The following DACT3 variants were observed in gnomAD, a reference collection of about 807,000 sequenced individuals.
The protein encoded by DACT3 is dapper homolog 3.
Under a neutral mutation model 19.6 loss-of-function variants are expected in DACT3, and 5 were observed. That is an observed-to-expected ratio of 0.26 (90% CI 0.13 to 0.54). The LOEUF (loss-of-function observed/expected upper bound fraction) is 0.54, where lower values mean the gene tolerates loss of function less well. Among genes scored for constraint, DACT3 ranks in the 20% least tolerant of loss-of-function variants. DACT3 has a pLI of 0.95. For missense variants in DACT3, 908 were observed against 927.4 expected (o/e 0.98, Z 0.27); for synonymous variants, 454 against 428.1 (o/e 1.06, Z -0.75).
intron 1 of DACT3, among the ~76,000 whole-genome samples, chr19:46,656,698 T>C (rs1310319063): frequency 1.3e-5 from 2 of 152,116 alleles, no homozygotes; most frequent in Non-Finnish European, 2.9e-5. Flanking sequence ...ATGTATACAA[T>C]GGAATACTAT....
In DACT3 at chr19:46,654,724, G is replaced by A. The variant is rs563528440; in HGVS notation, c.250-1649C>T. 28 of 985,366 alleles carry A rather than the reference G, an allele frequency of 2.8e-5. No individual in the cohort carries two copies. The African/African-American group carries it at 3.0e-4, about 10-fold the overall frequency. 61.0% of individuals were successfully genotyped at this position (985,366 alleles called of 1,614,324 possible). A position where few individuals can be genotyped will look rare whatever the true frequency, so the allele number is the denominator to read the frequency against. On this transcript the variant is annotated intron_variant, in intron 1 of 3. Transcript: ENST00000391916. ...CAGACAAAAGCGGCTTGTCTGGACCGCAGGAGGGAGGGAAGTGGGGAGGAG... is the reference window on the plus strand; with the variant it reads ...CAGACAAAAGCGGCTTGTCTGGACCACAGGAGGGAGGGAAGTGGGGAGGAG...
Position 46,648,952 on chromosome 19 carries a change from G to A in DACT3, c.1420C>T (p.Arg474Cys). The change falls in exon 4 of 4, where the codon CGT becomes TGT. Residue 474 changes from arginine (R) to cysteine (C), a missense_variant. By Grantham distance (180) the Arg-to-Cys change is radical (BLOSUM62 -3). Coordinates refer to ENST00000391916, the MANE Select transcript of DACT3 (RefSeq NM_145056.3). This position sits in a 1 kb window ranked among gnomAD's most constrained non-coding sequence, Gnocchi z 5.1. ...TLAAQAAGSC[R>C]RWRSTAEIDA... ...ATCTCCGCAGTGGAGCGCCAGCGAC[G>A]GCAGGACCCTGCGGCCTGGGCCGCC... The A allele has an allele frequency of 1.5e-6, 2 of 1,319,748 alleles. No individual in the cohort carries two copies. The highest frequency in any genetic ancestry group is 1.5e-5 in the African/African-American group (1 of 64,618). 81.8% of individuals were successfully genotyped at this position (1,319,748 alleles called of 1,614,324 possible). A position where few individuals can be genotyped will look rare whatever the true frequency, so the allele number is the denominator to read the frequency against.
intron 1 of DACT3, among the ~76,000 whole-genome samples, chr19:46,656,040 A>AATTTATTT (rs201832570): frequency 0.026 from 3,513 of 135,812 alleles, 140 homozygotes; most frequent in African/African-American, 0.093. Flanking sequence ...ATATATATGA[A>AATTTATTT]ATTTATTTAT....
In DACT3 at chr19:46,649,259, A is replaced by G; in HGVS notation, c.1113T>C (p.Pro371=). Residue 371 remains proline, a synonymous_variant, in exon 4 of 4, where the codon CCT becomes CCC. Coordinates refer to ENST00000391916, the MANE Select transcript of DACT3 (RefSeq NM_145056.3). ...GCGGTTTGCGGCGGGCGGCGCGGCC[A>G]GGGAGGCCTCGGGTGGCCGCCTGCG... is the stretch of plus-strand genomic sequence containing the variant. ...PGAQAATRGL[P]GRAARRKPPP... The G allele has an allele frequency of 8.4e-7, 1 of 1,196,942 alleles. No individual in the cohort carries two copies. The highest frequency in any genetic ancestry group is 1.0e-6 in the Non-Finnish European group (1 of 968,212). The allele number at this position is 1,196,942 out of a possible 1,614,324, so 74.1% of individuals were successfully genotyped here.
chr19:46,647,712 A>C lies in DACT3; in HGVS notation c.*770T>G, dbSNP rs762520559. 6.6e-5 allele frequency: 10 copies of C among 152,588 alleles called. No individual in the cohort carries two copies. Among genetic ancestry groups the C allele is most frequent in the Admixed American group, 3.9e-4 (6 of 15,266 alleles). 9.5% of individuals were successfully genotyped at this position (152,588 alleles called of 1,614,324 possible). ...TCACCATCGTCATAATAAATACAGT[A>C]ATTTTAAAAAAGAAAAAAAATACTA... On this transcript the variant is annotated 3_prime_UTR_variant, in exon 4 of 4. Transcript: ENST00000391916.
intron 1 of DACT3, among the ~76,000 whole-genome samples, chr19:46,659,675 G>A (rs882637): frequency 0.029 from 4,357 of 152,258 alleles, 201 homozygotes; most frequent in African/African-American, 0.099. Flanking sequence ...CTGGGGAGGG[G>A]GCGGTCGAGG....
At position 46,648,516 on chromosome 19, in the gene DACT3, C is replaced by T. The variant is rs201752436; in HGVS notation, c.1856G>A (p.Arg619His). The T allele has an allele frequency of 9.3e-6, 15 of 1,613,992 alleles. No homozygotes were observed. Among genetic ancestry groups the T allele is most frequent in the Non-Finnish European group, 1.1e-5 (13 of 1,179,884 alleles). ...HALKKKILRF[R>H]SGSLKVMTTV ...AGTCATGACCTTGAGAGAACCCGAA[C>T]GGAAACGCAGTATCTTTTTCTTGAG... The change falls in exon 4 of 4, where the codon CGT becomes CAT. Residue 619 changes from arginine (R) to histidine (H), a missense_variant. By Grantham distance (29) the Arg-to-His change is conservative. This residue lies in a region of DACT3 where 656 missense variants were observed against 601.8 expected (regional missense o/e 1.09). Coordinates refer to ENST00000391916, the MANE Select transcript of DACT3 (RefSeq NM_145056.3). This position sits in a 1 kb window ranked among gnomAD's most constrained non-coding sequence, Gnocchi z 5.1.
intron 1 of DACT3, among the ~76,000 whole-genome samples, chr19:46,656,558 T>C (rs1183377349): frequency 6.6e-6 from 1 of 151,942 alleles, no homozygotes; most frequent in Non-Finnish European, 1.5e-5. Flanking sequence ...CTGTGTTGCA[T>C]AGGCTTGTCT....
Position 46,660,527 on chromosome 19 carries a change from C to A in DACT3, c.249+289G>T. 1 of 436,818 alleles carries A rather than the reference C, an allele frequency of 2.3e-6. No individual in the cohort carries two copies. Among genetic ancestry groups the A allele is most frequent in the Non-Finnish European group, 3.9e-6 (1 of 253,648 alleles). The allele number at this position is 436,818 out of a possible 1,614,324, so 27.1% of individuals were successfully genotyped here. On this transcript the variant is annotated intron_variant, in intron 1 of 3. Coordinates refer to ENST00000391916, the MANE Select transcript of DACT3 (RefSeq NM_145056.3). This position sits in a 1 kb window ranked among gnomAD's most constrained non-coding sequence, Gnocchi z 4.9. Reference sequence around the variant, plus strand: ...AAAGTACCCGGTCTCGGGTTTGACACATACTTGGCGCCCACAAGGATTTTC... The same window carrying A: ...AAAGTACCCGGTCTCGGGTTTGACAAATACTTGGCGCCCACAAGGATTTTC...
In DACT3 at chr19:46,649,214, G is replaced by A; in HGVS notation, c.1158C>T (p.Arg386=). 8.3e-7 allele frequency: 1 copy of A among 1,200,626 alleles called. No individual in the cohort carries two copies. The allele number at this position is 1,200,626 out of a possible 1,614,324, so 74.4% of individuals were successfully genotyped here. The change falls in exon 4 of 4, where the codon CGC becomes CGT. Residue 386 remains arginine (R), a synonymous_variant. Coordinates refer to ENST00000391916, the MANE Select transcript of DACT3 (RefSeq NM_145056.3). ...CCCGGGGTGGTGACTGCTCCACGCT[G>A]CGGCCGCGGGTCAGTGGCGGCGGTT... ...RRKPPPLTRG[R]SVEQSPPRER... is the part of the protein sequence containing the mutation.
intron 1 of DACT3, chr19:46,654,878 A>G (rs1243863735): frequency 1.0e-6 from 1 of 977,666 alleles, no homozygotes; most frequent in Non-Finnish European, 1.2e-6. Context: ...CCCCTAGAAC[A>G]GAAGCCCCCA....
intron 1 of DACT3, chr19:46,654,716 T>C: frequency 1.0e-6 from 1 of 985,298 alleles, no homozygotes; most frequent in Non-Finnish European, 1.2e-6. Context: ...AAGCGGCTTG[T>C]CTGGACCGCA....
rs558508905 is a variant in DACT3, at chr19:46,660,847, C to A, written c.218G>T (p.Arg73Leu). The A allele has an allele frequency of 2.5e-4, 377 of 1,519,462 alleles. 6 individuals carry two copies. The South Asian group carries it at 4.3e-3, about 17-fold the overall frequency. 94.1% of individuals were successfully genotyped at this position (1,519,462 alleles called of 1,614,324 possible). Residue 73 changes from arginine to leucine, a missense_variant, in exon 1 of 4, where the codon CGC (arginine) becomes CTC (leucine). Arg to Leu is a moderately radical substitution (Grantham distance 102, BLOSUM62 -2). Transcript: ENST00000391916. The surrounding 1 kb of genome is among the most constrained non-coding windows in gnomAD (Gnocchi z 4.9). ...CTCCTCCAGGGCCGCTGCGGCCCGG[C>A]GCGCCGCCGCCGCATCTTCATCCTC... ...ADEDEDAAAA[R>L]RAAAALEEQL...
In DACT3 at chr19:46,657,955, G is replaced by A. The variant is rs150376404; in HGVS notation, c.249+2861C>T. On this transcript the variant is annotated intron_variant, in intron 1 of 3. Transcript: ENST00000391916. ...TAATTCCAGCTACTCGGGAGGCTGA[G>A]GCAGGAGAATTGCTTGAATCCAGGA... Among the ~76,000 whole-genome samples the A allele has an allele frequency of 3.9e-3, 600 of 152,186 alleles. 4 individuals carry two copies. Among genetic ancestry groups the A allele is most frequent in the African/African-American group, 0.014 (571 of 41,532 alleles).
intron 1 of DACT3, among the ~76,000 whole-genome samples, chr19:46,655,601 A>G (rs925638217): frequency 3.9e-5 from 6 of 152,164 alleles, no homozygotes; most frequent in Admixed American, 3.9e-4. Context: ...CGACAGTAAG[A>G]TTTCATCTCC....
Position 46,649,628 on chromosome 19 carries a change from G to A in DACT3, c.744C>T (p.Pro248=). The A allele has an allele frequency of 1.8e-6, 2 of 1,132,642 alleles. No individual in the cohort carries two copies. The highest frequency in any genetic ancestry group is 3.3e-5 in the African/African-American group (2 of 60,192). The allele number at this position is 1,132,642 out of a possible 1,614,324, so 70.2% of individuals were successfully genotyped here. ...DSPDAGGAGR[P]LDGYISALLR... Reference sequence around the variant, plus strand: ...GGAGCGCCGAGATGTAGCCGTCCAGGGGCCGCCCTGCGCCCCCCGCGTCGG... The same window carrying A: ...GGAGCGCCGAGATGTAGCCGTCCAGAGGCCGCCCTGCGCCCCCCGCGTCGG... The change falls in exon 4 of 4, where the codon CCC becomes CCT. Residue 248 remains proline (P), a synonymous_variant. Transcript: ENST00000391916.
rs2053071426 is a variant in DACT3, at chr19:46,660,945, G to T, written c.120C>A (p.Arg40=). 2.6e-6 allele frequency: 4 copies of T among 1,540,100 alleles called. No individual in the cohort carries two copies. Among genetic ancestry groups the T allele is most frequent in the South Asian group, 1.2e-5 (1 of 83,656 alleles). The change falls in exon 1 of 4, where the codon CGC becomes CGA. Residue 40 remains arginine, a synonymous_variant. Transcript: ENST00000391916. The surrounding 1 kb of genome is among the most constrained non-coding windows in gnomAD (Gnocchi z 4.9). ...LHWLRERQEY[R]VQQALRLAQP... ...GGGCCAGCCGCAGCGCCTGCTGCAC[G>T]CGGTACTCCTGCCTCTCCCGGAGCC... is the stretch of plus-strand genomic sequence containing the variant.
Position 46,648,854 on chromosome 19 carries a change from C to A in DACT3, c.1518G>T (p.Pro506=). 1.4e-6 allele frequency: 2 copies of A among 1,456,444 alleles called. No homozygotes were observed. The highest frequency in any genetic ancestry group is 1.4e-5 in the South Asian group (1 of 72,866). 90.2% of individuals were successfully genotyped at this position (1,456,444 alleles called of 1,614,324 possible). Residue 506 remains proline (P), a synonymous_variant, in exon 4 of 4, where the codon CCG becomes CCT. Transcript: ENST00000391916. The surrounding 1 kb of genome is among the most constrained non-coding windows in gnomAD (Gnocchi z 5.1). ...AARVPGPGPS[P]SAPQRRLLYG... Reference sequence around the variant, plus strand: ...AAAGCAGACGACGCTGGGGAGCTGACGGGGACGGGCCGGGGCCGGGAACAC... The same window carrying A: ...AAAGCAGACGACGCTGGGGAGCTGAAGGGGACGGGCCGGGGCCGGGAACAC...
At chr19:46,655,176 C>T in intron 1 of DACT3, 1 of 448,928 alleles carries the variant, frequency 2.2e-6, no homozygotes, top group Non-Finnish European at 2.9e-6. Context: ...GAATGTTTCC[C>T]CCACATACCT....
Sources: allele counts gnomAD v4.1 joint callset (sites outside exome capture counted in the v4.1 genomes callset), GRCh38; gene constraint gnomAD v4.1.1; regional missense constraint gnomAD v4.1.1; non-coding constraint Gnocchi (gnomAD v3.1); transcripts MANE v1.5; gene names NCBI Gene and HGNC (gene_info 2026-07-23, HGNC 2026-07-21).